Variants in NIPBL observed in about 807,000 individuals in gnomAD.
NIPBL encodes the protein NIPBL cohesin loading factor.
NIPBL carries 19 observed loss-of-function variants against 321.8 expected under a neutral mutation model. The observed-to-expected ratio is 0.06, with a 90% CI of 0.04 to 0.09. The LOEUF is 0.09. Among genes scored for constraint, NIPBL ranks in the 10% least tolerant of loss-of-function variants. The pLI is 1.00. For synonymous variants in NIPBL, 1,106 were observed against 1,114.1 expected, an observed-to-expected ratio of 0.99 and a Z score of 0.14; for missense variants, 2,210 against 3,327.0, an observed-to-expected ratio of 0.66 and a Z score of 8.26.
intron 1 of NIPBL, among the ~76,000 whole-genome samples, chr5:36,909,738 T>C (rs533524092): frequency 6.6e-6 from 1 of 152,290 alleles, no homozygotes; most frequent in African/African-American, 2.4e-5. Flanking sequence ...GAACCAGGAC[T>C]CTATATCCTG....
intron 1 of NIPBL, among the ~76,000 whole-genome samples, chr5:36,909,901 C>T (rs1434603372): frequency 1.3e-5 from 2 of 152,016 alleles, no homozygotes; most frequent in Admixed American, 6.5e-5. Flanking sequence ...CGTGGTGAAA[C>T]CCCGCCTTTA....
chr5:37,031,009 G>GT (rs760763014), intron 32 of NIPBL, among the ~76,000 whole-genome samples: 1 of 146,912 alleles, frequency 6.8e-6, no homozygotes, highest in Non-Finnish European at 1.5e-5. Flanking sequence ...TTGAGGCGGA[G>GT]TTTCACTCTT....
intron 10 of NIPBL, among the ~76,000 whole-genome samples, chr5:36,992,107 G>C (rs1168432660): frequency 6.6e-6 from 1 of 152,098 alleles, no homozygotes; most frequent in African/African-American, 2.4e-5. Context: ...AGAGTGCACT[G>C]TATCTAATGG....
intron 3 of NIPBL, among the ~76,000 whole-genome samples, chr5:36,957,293 T>G (rs1485790935): frequency 6.6e-6 from 1 of 152,204 alleles, no homozygotes; most frequent in Non-Finnish European, 1.5e-5. Flanking sequence ...ATGACATTAT[T>G]TGAGAAAGCA....
chr5:36,941,525 A>C (rs555153731), intron 1 of NIPBL, among the ~76,000 whole-genome samples: 1 of 151,858 alleles, frequency 6.6e-6, no homozygotes, highest in Non-Finnish European at 1.5e-5. Context: ...AAAAAAAAAA[A>C]AAACCACCAA....
intron 1 of NIPBL, among the ~76,000 whole-genome samples, chr5:36,914,027 C>T (rs1748255665): frequency 6.6e-6 from 1 of 152,206 alleles, no homozygotes; most frequent in Admixed American, 6.5e-5. Flanking sequence ...AGAAACCACA[C>T]TGATGGAATT....
chr5:36,916,657 C>G (rs1002125635), intron 1 of NIPBL, among the ~76,000 whole-genome samples: 2 of 152,050 alleles, frequency 1.3e-5, no homozygotes, highest in Admixed American at 1.3e-4. Context: ...CCACTCCCCC[C>G]ACCCCACAAC....
intron 44 of NIPBL, among the ~76,000 whole-genome samples, chr5:37,059,627 A>G (rs575630328): frequency 6.6e-6 from 1 of 152,306 alleles, no homozygotes; most frequent in African/African-American, 2.4e-5. Flanking sequence ...CTATTGTGTA[A>G]TATGCCATAA....
intron 10 of NIPBL, among the ~76,000 whole-genome samples, chr5:36,992,570 G>A (rs1264196531): frequency 5.9e-5 from 9 of 151,828 alleles, no homozygotes; most frequent in Middle Eastern, 6.8e-3. Flanking sequence ...GCTGAAGTAC[G>A]GTGGTGCTAA....
intron 1 of NIPBL, among the ~76,000 whole-genome samples, chr5:36,878,396 G>A (rs1363177455): frequency 6.6e-6 from 1 of 152,174 alleles, no homozygotes; most frequent in African/African-American, 2.4e-5. Context: ...GCTTGTTTAT[G>A]GAGGCGTTCA....
chr5:36,969,572 C>T (rs1742627032), intron 6 of NIPBL, among the ~76,000 whole-genome samples: 1 of 152,080 alleles, frequency 6.6e-6, no homozygotes, highest in African/African-American at 2.4e-5. Flanking sequence ...ACATTGGATC[C>T]CTATCTCACA....
intron 1 of NIPBL, among the ~76,000 whole-genome samples, chr5:36,918,593 G>C (rs187899754): frequency 6.6e-6 from 1 of 152,118 alleles, no homozygotes; most frequent in Admixed American, 6.5e-5. Flanking sequence ...GGGCGTCCCT[G>C]TCTTGTGCCA....
At chr5:37,012,456 A>ATTATTTTT (rs1748256204) in intron 21 of NIPBL, among the ~76,000 whole-genome samples, 1 of 107,210 alleles carries the variant, frequency 9.3e-6, no homozygotes, top group African/African-American at 4.0e-5. Flanking sequence ...TCTTTCTCCA[A>ATTATTTTT]TTTTTTTTTT....
At chr5:36,889,776 T>C (rs540785076) in intron 1 of NIPBL, among the ~76,000 whole-genome samples, 1 of 152,240 alleles carries the variant, frequency 6.6e-6, no homozygotes, top group South Asian at 2.1e-4. Context: ...AATCCATTCC[T>C]TTATTTTCTT....
At chr5:36,879,572 C>G (rs1327461364) in intron 1 of NIPBL, among the ~76,000 whole-genome samples, 1 of 152,122 alleles carries the variant, frequency 6.6e-6, no homozygotes, top group Non-Finnish European at 1.5e-5. Flanking sequence ...TAGTTTGTTT[C>G]CCTAAAGAGT....
chr5:37,039,732 T>G (rs541900235), intron 34 of NIPBL, among the ~76,000 whole-genome samples: 1 of 152,284 alleles, frequency 6.6e-6, no homozygotes, highest in African/African-American at 2.4e-5. Context: ...GTGGTCAGTT[T>G]TTTTGATTAT....
rs1004419718 is a variant in NIPBL, at chr5:37,044,504, C to T, written c.6249+17C>T. 2 of 1,612,212 alleles carry T rather than the reference C, an allele frequency of 1.2e-6. No individual in the cohort carries two copies. The highest frequency in any genetic ancestry group is 1.7e-5 in the Admixed American group (1 of 59,974). ...GGCATGACTGTAAGCACTCAGTTTACCATTTCTTTATTCATTAGTGTAAAG... is the reference window on the plus strand; with the variant it reads ...GGCATGACTGTAAGCACTCAGTTTATCATTTCTTTATTCATTAGTGTAAAG... On this transcript the variant is annotated intron_variant, in intron 35 of 46. Transcript: ENST00000282516.
intron 1 of NIPBL, among the ~76,000 whole-genome samples, chr5:36,944,748 A>AT (rs1739473876): frequency 6.6e-6 from 1 of 152,036 alleles, no homozygotes; most frequent in Non-Finnish European, 1.5e-5. Context: ...TAAAAAAAAA[A>AT]CCAAAGCTGA....
At chr5:36,881,955 C>T (rs906891692) in intron 1 of NIPBL, among the ~76,000 whole-genome samples, 3 of 151,922 alleles carry the variant, frequency 2.0e-5, no homozygotes, top group South Asian at 2.1e-4. Flanking sequence ...AGAGTCATTT[C>T]ATTCATAGAA....
Sources: allele counts gnomAD v4.1 joint callset (sites outside exome capture counted in the v4.1 genomes callset), GRCh38; gene constraint gnomAD v4.1.1; transcripts MANE v1.5; gene names NCBI Gene and HGNC (gene_info 2026-07-23, HGNC 2026-07-21).